FREM2: variants seen among roughly 807,000 people sequenced by gnomAD.
FREM2 encodes the protein FRAS1-related extracellular matrix protein 2.
Under a neutral mutation model 219.9 loss-of-function variants are expected in FREM2, and 119 were observed. The ratio of observed to expected loss-of-function variants is 0.54; its 90% CI spans 0.47 to 0.63. The LOEUF is 0.63. FREM2 is among the 30% of genes least tolerant of loss of function. The pLI is 0.00. For missense variants in FREM2, 4,030 were observed against 3,993.6 expected, an observed-to-expected ratio of 1.01 and a Z score of -0.25; for synonymous variants, 1,562 against 1,522.8, an observed-to-expected ratio of 1.03 and a Z score of -0.60.
At chr13:38,850,289 T>C in intron 9 of FREM2, 54 bp downstream of exon 9, 1 of 1,403,232 alleles carries the variant, frequency 7.1e-7, no homozygotes, top group South Asian at 1.2e-5. Flanking sequence ...GAATTTTTAC[T>C]CAGAAATATA....
rs201692234 is a variant in FREM2, at chr13:38,796,876, TTTTTG to T, written c.6019+12083_6019+12087del. Among the ~76,000 whole-genome samples, 14 of 152,170 alleles carry T rather than the reference TTTTTG, an allele frequency of 9.2e-5. No homozygotes were observed. The East Asian group carries it at 2.3e-3, about 25-fold the overall frequency. ...TTTCTGGGTTTTTTGTTTGTTTCTG[TTTTTG>T]TTTTGTTTTGTTTTTTTGAGGCAGA... On this transcript the variant is annotated intron_variant, in intron 6 of 23. Transcript: ENST00000280481.
intron 12 of FREM2, among the ~76,000 whole-genome samples, chr13:38,856,763 C>A (rs1484222679): frequency 7.5e-6 from 1 of 133,962 alleles, no homozygotes; most frequent in Non-Finnish European, 1.5e-5. Context: ...TCTATACTTA[C>A]TTAATTTATA....
At chr13:38,843,912 C>T (rs1001786152) in intron 6 of FREM2, among the ~76,000 whole-genome samples, 1 of 151,154 alleles carries the variant, frequency 6.6e-6, no homozygotes, top group East Asian at 2.0e-4. Flanking sequence ...CTTATGGAAA[C>T]TACTGAATGT....
chr13:38,871,099 T>A (rs550313358), intron 16 of FREM2, among the ~76,000 whole-genome samples: 24 of 152,276 alleles, frequency 1.6e-4, no homozygotes, highest in Middle Eastern at 3.4e-3. Context: ...AAAGGACTTT[T>A]AATGCAAAGC....
intron 1 of FREM2, among the ~76,000 whole-genome samples, 187 bp from the exon 2 acceptor site, chr13:38,697,511 G>A (rs1036833571): frequency 2.0e-5 from 3 of 152,174 alleles, no homozygotes; most frequent in Admixed American, 1.3e-4. Context: ...TGAGGGATCA[G>A]GTGTCCATGG....
chr13:38,834,939 G>A (rs944372233), intron 6 of FREM2, among the ~76,000 whole-genome samples: 1 of 152,156 alleles, frequency 6.6e-6, no homozygotes, highest in South Asian at 2.1e-4. Flanking sequence ...CTGTGCAGAA[G>A]CTCTTTAGTT....
intron 6 of FREM2, among the ~76,000 whole-genome samples, chr13:38,808,619 T>C (rs544958648): frequency 1.3e-5 from 2 of 151,996 alleles, no homozygotes. Context: ...GAACAGCTGA[T>C]TGGTGGAACA....
intron 16 of FREM2, among the ~76,000 whole-genome samples, chr13:38,871,342 T>A (rs760178393): frequency 5.9e-5 from 9 of 152,200 alleles, no homozygotes; most frequent in Non-Finnish European, 1.3e-4. Context: ...ATTCTTGTTG[T>A]GAGCTGTGTG....
At chr13:38,806,976 C>T (rs1474917170) in intron 6 of FREM2, among the ~76,000 whole-genome samples, 1 of 151,206 alleles carries the variant, frequency 6.6e-6, no homozygotes. Context: ...GAAGCAACTT[C>T]TCATCCACTC....
At chr13:38,856,363 C>A (rs1215777142) in intron 12 of FREM2, 107 bp downstream of exon 12, 1 of 1,029,346 alleles carries the variant, frequency 9.7e-7, no homozygotes, top group Non-Finnish European at 1.5e-6. Flanking sequence ...TTGAACAAGC[C>A]TTACGTGAAA....
At chr13:38,857,439 C>T (rs910665155) in intron 12 of FREM2, among the ~76,000 whole-genome samples, 3 of 152,166 alleles carry the variant, frequency 2.0e-5, no homozygotes, top group African/African-American at 7.2e-5. Context: ...TCTGCTTCAT[C>T]CAGGCTCACA....
chr13:38,704,936 A>T (rs1870480346), intron 2 of FREM2, among the ~76,000 whole-genome samples: 1 of 152,222 alleles, frequency 6.6e-6, no homozygotes, highest in South Asian at 2.1e-4. Flanking sequence ...TGAGAACCGC[A>T]TGGGGGAACC....
intron 6 of FREM2, among the ~76,000 whole-genome samples, chr13:38,811,719 G>A (rs9576624): frequency 0.22 from 33,716 of 151,904 alleles, 4,138 homozygotes; most frequent in East Asian, 0.38. Context: ...GTGACCTAAC[G>A]TATGGTCTGT....
intron 2 of FREM2, among the ~76,000 whole-genome samples, chr13:38,740,551 A>G (rs1049310843): frequency 2.0e-5 from 3 of 152,192 alleles, no homozygotes; most frequent in Non-Finnish European, 4.4e-5. Context: ...AAAAGAGACA[A>G]AGGAAATTAT....
Position 38,858,048 on chromosome 13 carries a change from C to G in FREM2, c.7215+15C>G, listed in dbSNP as rs1877627202. On this transcript the variant is annotated intron_variant, in intron 13 of 23. Coordinates refer to ENST00000280481, the MANE Select transcript of FREM2 (RefSeq NM_207361.6). ...TCTGTATCACAGTGAGTAGGAGATTCACAAAATTGAGGAAAATTGTAAGAT... is the reference window on the plus strand; with the variant it reads ...TCTGTATCACAGTGAGTAGGAGATTGACAAAATTGAGGAAAATTGTAAGAT... 1 of 1,607,364 alleles carries G rather than the reference C, an allele frequency of 6.2e-7. No homozygotes were observed. Among genetic ancestry groups the G allele is most frequent in the African/African-American group, 1.3e-5 (1 of 74,720 alleles).
chr13:38,710,995 G>A (rs1028237827), intron 2 of FREM2, among the ~76,000 whole-genome samples: 3 of 152,090 alleles, frequency 2.0e-5, no homozygotes, highest in Non-Finnish European at 4.4e-5. Flanking sequence ...TACACCCCTA[G>A]GTATGTTTCT....
At chr13:38,842,450 A>G (rs1335449467) in intron 6 of FREM2, among the ~76,000 whole-genome samples, 1 of 152,174 alleles carries the variant, frequency 6.6e-6, no homozygotes, top group Admixed American at 6.6e-5. Flanking sequence ...GGATTCCGTT[A>G]TGGAGAAGTT....
Position 38,864,412 on chromosome 13 carries a change from A to G in FREM2, c.7789A>G (p.Thr2597Ala). The G allele has an allele frequency of 6.2e-7, 1 of 1,614,140 alleles. No individual in the cohort carries two copies. Among genetic ancestry groups the G allele is most frequent in the Non-Finnish European group, 8.5e-7 (1 of 1,180,014 alleles). Reference protein sequence around the residue: ...TEVKTHYGFLTDATKNPEIIG... With the variant: ...TEVKTHYGFLADATKNPEIIG... ...AGTGAAGACTCATTATGGTTTCTTG[A>G]CTGATGCTACCAAAAATCCAGAAAT... The change falls in exon 16 of 24, where the codon ACT becomes GCT. Residue 2597 changes from threonine to alanine, a missense_variant. Physicochemically the swap from Thr to Ala is moderately conservative, Grantham distance 58. Around this residue, in one of 2 missense-constraint regions of FREM2, gnomAD observed 928 missense variants for 1,042.9 expected, o/e 0.89. Coordinates refer to ENST00000280481, the MANE Select transcript of FREM2 (RefSeq NM_207361.6).
intron 3 of FREM2, among the ~76,000 whole-genome samples, chr13:38,765,743 A>G (rs1873409380): frequency 6.6e-6 from 1 of 152,154 alleles, no homozygotes; most frequent in South Asian, 2.1e-4. Context: ...TTAGAAGACC[A>G]GGTTTTCACA....
Sources: allele counts gnomAD v4.1 joint callset (sites outside exome capture counted in the v4.1 genomes callset), GRCh38; gene constraint gnomAD v4.1.1; regional missense constraint gnomAD v4.1.1; transcripts MANE v1.5; gene names NCBI Gene and HGNC (gene_info 2026-07-23, HGNC 2026-07-21).